MMP26: variants seen among roughly 807,000 people sequenced by gnomAD.
MMP26 encodes the protein matrix metallopeptidase 26.
A neutral mutation model predicts 31.0 loss-of-function variants in MMP26; 33 were observed. The observed-to-expected ratio is 1.06, with a 90% CI of 0.81 to 1.42. The LOEUF (loss-of-function observed/expected upper bound fraction) is 1.42. Among genes scored for constraint, MMP26 ranks in the 40% most tolerant of loss-of-function variants. MMP26 has a pLI of 0.00. For missense variants in MMP26, 347 were observed against 316.1 expected (o/e 1.10, Z -0.74); for synonymous variants, 122 against 114.9 (o/e 1.06, Z -0.40).
chr11:4,766,836 T>C (rs1848638341), intron 1 of MMP26, among the ~76,000 whole-genome samples: 1 of 152,020 alleles, frequency 6.6e-6, no homozygotes, highest in African/African-American at 2.4e-5. Flanking sequence ...TTTAAAAATT[T>C]TCTGCTGGTG....
intron 2 of MMP26, among the ~76,000 whole-genome samples, chr11:4,896,499 G>C (rs1318472728): frequency 1.3e-5 from 2 of 152,156 alleles, no homozygotes; most frequent in Non-Finnish European, 2.9e-5. Flanking sequence ...ACAAGGCATT[G>C]CTATGGTCAG....
chr11:4,712,677 T>G (rs981625732), intron 1 of MMP26, among the ~76,000 whole-genome samples: 1 of 152,128 alleles, frequency 6.6e-6, no homozygotes, highest in Non-Finnish European at 1.5e-5. Context: ...AATAATGTAA[T>G]TTATGAAGTG....
chr11:4,836,651 C>CTTTTTTTTTT (rs71480270), intron 2 of MMP26, among the ~76,000 whole-genome samples: 2 of 95,960 alleles, frequency 2.1e-5, no homozygotes, highest in Non-Finnish European at 4.1e-5. Context: ...TCAAAGACAT[C>CTTTTTTTTTT]TTTTTTTTTT....
chr11:4,976,116 G>A (rs2133636364), intron 2 of MMP26, among the ~76,000 whole-genome samples: 1 of 152,082 alleles, frequency 6.6e-6, no homozygotes, highest in Non-Finnish European at 1.5e-5. Context: ...CTAGAACATT[G>A]CACAGATAGG....
chr11:4,948,133 C>T (rs1309953052), intron 2 of MMP26, among the ~76,000 whole-genome samples: 2 of 124,486 alleles, frequency 1.6e-5, no homozygotes, highest in Admixed American at 8.9e-5. Context: ...AGTTTTTCTC[C>T]CTTACCAAAT....
At chr11:4,898,829 CTCTGTGTGTG>C (rs61103121) in intron 2 of MMP26, among the ~76,000 whole-genome samples, 5,882 of 125,262 alleles carry the variant, frequency 0.047, 247 homozygotes, top group East Asian at 0.24. Context: ...CTCTCTCTCT[CTCTGTGTGTG>C]TGTGTGTGTG....
At chr11:4,989,614 A>G in intron 3 of MMP26, 34 bp from the exon 4 acceptor site, 1 of 1,558,402 alleles carries the variant, frequency 6.4e-7, no homozygotes, top group South Asian at 1.1e-5. Context: ...TTCCCTATTG[A>G]CTCTTAGTAC....
chr11:4,840,417 C>T (rs1849778143), intron 2 of MMP26, among the ~76,000 whole-genome samples: 1 of 152,164 alleles, frequency 6.6e-6, no homozygotes, highest in African/African-American at 2.4e-5. Flanking sequence ...CACAGACATA[C>T]TGGTGGTGGC....
intron 2 of MMP26, among the ~76,000 whole-genome samples, chr11:4,878,396 T>C (rs925368597): frequency 1.3e-5 from 2 of 152,098 alleles, no homozygotes; most frequent in African/African-American, 4.8e-5. Context: ...ACATAAGGTA[T>C]ACATATTTAA....
chr11:4,899,927 G>T (rs1850775771), intron 2 of MMP26, among the ~76,000 whole-genome samples: 1 of 152,166 alleles, frequency 6.6e-6, no homozygotes, highest in East Asian at 1.9e-4. Flanking sequence ...CACCAAAAAT[G>T]ATGGTAAGTG....
At chr11:4,957,594 A>G (rs965510210) in intron 2 of MMP26, among the ~76,000 whole-genome samples, 1 of 151,844 alleles carries the variant, frequency 6.6e-6, no homozygotes, top group African/African-American at 2.4e-5. Context: ...ATAAAACTCC[A>G]CCTTACACTC....
At chr11:4,915,162 G>T (rs1851060337) in intron 2 of MMP26, 2 of 1,614,066 alleles carry the variant, frequency 1.2e-6, no homozygotes, top group Middle Eastern at 1.7e-4. Flanking sequence ...AATCTTTTGA[G>T]CATAAAAGGT....
chr11:4,718,405 T>C (rs1847965250), intron 1 of MMP26, among the ~76,000 whole-genome samples: 1 of 152,206 alleles, frequency 6.6e-6, no homozygotes, highest in African/African-American at 2.4e-5. Context: ...CAGGGAACCA[T>C]TCATTTCCTG....
intron 2 of MMP26, chr11:4,907,255 G>A (rs925798183): frequency 1.6e-6 from 1 of 641,950 alleles, no homozygotes; most frequent in Non-Finnish European, 2.7e-6. Context: ...ATGCCTTTGA[G>A]TATAGTATAC....
rs757368658 is a variant in MMP26, at chr11:4,990,655, T to G, written c.378T>G (p.Asn126Lys). The G allele has an allele frequency of 6.2e-7, 1 of 1,614,138 alleles. No homozygotes were observed. Among genetic ancestry groups the G allele is most frequent in the South Asian group, 1.1e-5 (1 of 91,084 alleles). Residue 126 changes from asparagine (N) to lysine (K), a missense_variant, in exon 5 of 8, where the codon AAT becomes AAG. Physicochemically the swap from Asn to Lys is moderately conservative, Grantham distance 94. Transcript: ENST00000380390. The stretch of plus-strand genomic sequence containing the variant: ...CCGCAGTGAAAGACAGTATATATAA[T>G]GCAGTTTCCATCTGGAGCAATGTGA... The part of the protein sequence containing the change: ...KPSAVKDSIY[N>K]AVSIWSNVTP...
At position 4,778,047 on chromosome 11, in the gene MMP26, C is replaced by T. The variant is rs749830456; in HGVS notation, c.-145+10706C>T. 3.9e-5 allele frequency among the ~76,000 whole-genome samples: 6 copies of T among 152,114 alleles called. No individual in the cohort carries two copies. The East Asian group carries it at 1.2e-3, about 29-fold the overall frequency. On this transcript the variant is annotated intron_variant, in intron 2 of 7. Transcript: ENST00000380390. ...TGGCCAAAAAGTTTTCCACAGAAAT[C>T]GTGTATAGCCATATATACTCCCACA... is the stretch of plus-strand genomic sequence containing the variant.
rs1849495857 is a variant in MMP26 at position 4,821,399 on chromosome 11, C to T, written c.-145+54058C>T. ...GTGTTATGTTAAATGACTGAAACATCCCTGTCTTCTCAGTGCTTCCCTATG... is the reference window on the plus strand; with the variant it reads ...GTGTTATGTTAAATGACTGAAACATTCCTGTCTTCTCAGTGCTTCCCTATG... On this transcript the variant is annotated intron_variant, in intron 2 of 7. Transcript: ENST00000380390. 6.2e-7 allele frequency: 1 copy of T among 1,613,248 alleles called. No homozygotes were observed. Among genetic ancestry groups the T allele is most frequent in the Admixed American group, 1.7e-5 (1 of 59,984 alleles).
chr11:4,748,019 T>A (rs1289614078), intron 1 of MMP26, among the ~76,000 whole-genome samples: 1 of 151,500 alleles, frequency 6.6e-6, no homozygotes, highest in Admixed American at 6.6e-5. Context: ...GGTGGTTCTT[T>A]GAAAAAATAA....
intron 2 of MMP26, among the ~76,000 whole-genome samples, chr11:4,949,255 G>T (rs1846348462): frequency 8.2e-6 from 1 of 121,546 alleles, no homozygotes; most frequent in Admixed American, 9.4e-5. Context: ...ATAAAAATAT[G>T]GGTTTTAGCA....
Sources: gnomAD v4.1 joint callset for allele counts (sites outside exome capture counted in the v4.1 genomes callset) on GRCh38, gnomAD v4.1.1 for gene constraint, MANE v1.5 for transcripts, NCBI Gene and HGNC (gene_info 2026-07-23, HGNC 2026-07-21) for gene names.